The following SNX14 variants were observed in gnomAD, a reference collection of about 807,000 sequenced individuals.
The protein encoded by SNX14 is sorting nexin 14.
SNX14 carries 93 observed loss-of-function variants against 133.8 expected under a neutral mutation model. The ratio of observed to expected loss-of-function variants is 0.70; its 90% CI spans 0.59 to 0.83. The LOEUF (loss-of-function observed/expected upper bound fraction) is 0.83, where lower values mean the gene tolerates loss of function less well. SNX14 is among the 40% of genes least tolerant of loss of function. SNX14 has a pLI of 0.00. For missense variants in SNX14, 945 were observed against 1,094.9 expected, an observed-to-expected ratio of 0.86 and a Z score of 1.93; for synonymous variants, 368 against 365.6, an observed-to-expected ratio of 1.01 and a Z score of -0.07.
chr6:85,520,509 C>G (rs532979711), intron 21 of SNX14, among the ~76,000 whole-genome samples: 8 of 151,994 alleles, frequency 5.3e-5, no homozygotes, highest in African/African-American at 1.9e-4. Flanking sequence ...AGGCGCCCAC[C>G]ACCATGCCCA....
intron 2 of SNX14, 127 bp downstream of exon 2, chr6:85,574,131 A>G: frequency 1.4e-6 from 1 of 698,544 alleles, no homozygotes; most frequent in African/African-American, 1.9e-5. Flanking sequence ...AAAAAAAAAA[A>G]GAGAAGAAAT....
rs576317459 is a variant in SNX14 at position 85,523,636 on chromosome 6, G to A, written c.2107+2490C>T. The stretch of plus-strand genomic sequence containing the variant: ...AAAATACAAAAATTATCTGGGTGTG[G>A]TGGTGCACACCTGTAGTTCTCAGGA... On this transcript the variant is annotated intron_variant, in intron 21 of 28. Transcript: ENST00000314673. Among the ~76,000 whole-genome samples, 3 of 152,236 alleles carry A rather than the reference G, an allele frequency of 2.0e-5. No homozygotes were observed. The South Asian group carries it at 6.2e-4, about 32-fold the overall frequency.
chr6:85,585,267 AG>A (rs1316804356), intron 1 of SNX14, among the ~76,000 whole-genome samples: 1 of 152,190 alleles, frequency 6.6e-6, no homozygotes. Context: ...GGATAGCATT[AG>A]GAGAAATACC....
chr6:85,571,393 G>GA lies in SNX14; in HGVS notation c.417+743dup, dbSNP rs1235873254. 2.0e-5 allele frequency among the ~76,000 whole-genome samples: 3 copies of GA among 148,324 alleles called. No homozygotes were observed. The East Asian group carries it at 5.9e-4, about 29-fold the overall frequency. On this transcript the variant is annotated intron_variant, in intron 4 of 28. Coordinates refer to ENST00000314673, the MANE Select transcript of SNX14 (RefSeq NM_153816.6). ...AAAAAAAAGGCCTTAGAGAGGCAAA[G>GA]AAAAAAATGCCAAATTTTAATGGGC...
intron 1 of SNX14, among the ~76,000 whole-genome samples, chr6:85,583,996 C>G (rs192935984): frequency 8.5e-5 from 13 of 152,312 alleles, no homozygotes; most frequent in Non-Finnish European, 4.4e-5. Context: ...TGGCTTCAAA[C>G]TATACTACAA....
Position 85,550,836 on chromosome 6 carries a change from C to T in SNX14, c.635-957G>A, listed in dbSNP as rs370359638. Among the ~76,000 whole-genome samples the T allele has an allele frequency of 7.5e-4, 114 of 151,546 alleles. 2 individuals are homozygous for T. The South Asian group carries it at 0.022, about 30-fold the overall frequency. ...TTCTCTCTTATCCCCCAGGCTGGAA[C>T]GCAATGGCATGATCTCAGTTCACTG... On this transcript the variant is annotated intron_variant, in intron 7 of 28. Coordinates refer to ENST00000314673, the MANE Select transcript of SNX14 (RefSeq NM_153816.6).
At chr6:85,558,793 T>C (rs1270451569) in intron 6 of SNX14, among the ~76,000 whole-genome samples, 1 of 152,054 alleles carries the variant, frequency 6.6e-6, no homozygotes, top group African/African-American at 2.4e-5. Context: ...GGTTTCAAGA[T>C]ATATGGAAAC....
At chr6:85,513,981 C>CTT (rs1247535467) in intron 25 of SNX14, 86 bp from the exon 26 acceptor site, 9 of 1,553,730 alleles carry the variant, frequency 5.8e-6, no homozygotes, top group Non-Finnish European at 7.0e-6. Flanking sequence ...ACTAATAAAC[C>CTT]AAAGCAAAAC....
chr6:85,572,349 G>A lies in SNX14; in HGVS notation c.287C>T (p.Pro96Leu), dbSNP rs761515829. 1 of 1,613,384 alleles carries A rather than the reference G, an allele frequency of 6.2e-7. No individual in the cohort carries two copies. Among genetic ancestry groups the A allele is most frequent in the Non-Finnish European group, 8.5e-7 (1 of 1,179,766 alleles). The part of the protein sequence containing the change: ...PKQLGLQELF[P>L]QGHSCAVCGK... Reference sequence around the variant, plus strand: ...ACAAACAGCACAGCTATGACCTTGAGGAAATAATTCCTGAAGTCCTAACTG... The same window carrying A: ...ACAAACAGCACAGCTATGACCTTGAAGAAATAATTCCTGAAGTCCTAACTG... The change falls in exon 3 of 29, where the codon CCT (proline) becomes CTT (leucine). Residue 96 changes from proline (P) to leucine (L), a missense_variant. Pro to Leu is a moderately conservative substitution (Grantham distance 98). Transcript: ENST00000314673.
At position 85,574,378 on chromosome 6, in the gene SNX14, C is replaced by T. The variant is rs1386573112; in HGVS notation, c.141G>A (p.Arg47=). The T allele has an allele frequency of 1.3e-6, 2 of 1,523,056 alleles. No homozygotes were observed. The highest frequency in any genetic ancestry group is 2.6e-5 in the South Asian group (2 of 77,578). The allele number at this position is 1,523,056 out of a possible 1,614,324, so 94.3% of individuals were successfully genotyped here. The change falls in exon 2 of 29, where the codon AGG becomes AGA. Residue 47 remains arginine, a splice_region_variant and synonymous_variant. Coordinates refer to ENST00000314673, the MANE Select transcript of SNX14 (RefSeq NM_153816.6). Reference sequence around the variant, plus strand: ...AGAAGATCATTAAAATATGAATATACCTTAAAAATAAATGAAAATAATTAT... The same window carrying T: ...AGAAGATCATTAAAATATGAATATATCTTAAAAATAAATGAAAATAATTAT... ...CLSAASLLLN[R]YIHILMIFWS...
chr6:85,530,349 A>ACATTTCAGCATT, intron 18 of SNX14, 74 bp from the exon 19 acceptor site: 1 of 1,004,280 alleles, frequency 1.0e-6, no homozygotes. Flanking sequence ...TTAAAACATT[A>ACATTTCAGCATT]AGAATACAAA....
intron 5 of SNX14, 27 bp from the exon 6 acceptor site, chr6:85,565,446 C>T (rs1793496246): frequency 6.6e-7 from 1 of 1,520,018 alleles, no homozygotes; most frequent in Non-Finnish European, 9.0e-7. Context: ...AACAAATATT[C>T]AGAAGTTCAG....
At chr6:85,593,277 C>T (rs1301557328) in intron 1 of SNX14, among the ~76,000 whole-genome samples, 7 of 152,200 alleles carry the variant, frequency 4.6e-5, no homozygotes, top group Non-Finnish European at 1.0e-4. Flanking sequence ...TTTGAGCCGA[C>T]ACACGGATTT....
chr6:85,575,724 A>G (rs1386444683), intron 1 of SNX14, among the ~76,000 whole-genome samples: 5 of 152,228 alleles, frequency 3.3e-5, no homozygotes, highest in Admixed American at 3.3e-4. Flanking sequence ...GAACTTTTTG[A>G]CAACAATGAG....
At chr6:85,565,159 T>C (rs1047156783) in intron 6 of SNX14, among the ~76,000 whole-genome samples, 173 bp downstream of exon 6, 4 of 152,140 alleles carry the variant, frequency 2.6e-5, no homozygotes, top group East Asian at 1.9e-4. Flanking sequence ...GCTTGAGGGA[T>C]AGATACCCCA....
intron 27 of SNX14, 62 bp from the exon 28 acceptor site, chr6:85,507,351 T>C: frequency 2.2e-6 from 3 of 1,347,966 alleles, no homozygotes; most frequent in South Asian, 1.3e-5. Context: ...ACCATAAAAA[T>C]GATACACACA....
intron 6 of SNX14, among the ~76,000 whole-genome samples, chr6:85,561,033 TAA>T (rs75735977): frequency 3.4e-4 from 33 of 97,736 alleles, no homozygotes; most frequent in Non-Finnish European, 3.6e-4. Flanking sequence ...GACTCCATCT[TAA>T]AAAAAAAAAA....
intron 18 of SNX14, 59 bp from the exon 19 acceptor site, chr6:85,530,334 C>T: frequency 2.6e-6 from 3 of 1,132,614 alleles, no homozygotes; most frequent in Non-Finnish European, 3.8e-6. Flanking sequence ...AAAAGAATGC[C>T]ATATTTAAAA....
At chr6:85,562,911 T>C (rs1031878822) in intron 6 of SNX14, among the ~76,000 whole-genome samples, 7 of 152,144 alleles carry the variant, frequency 4.6e-5, no homozygotes, top group Non-Finnish European at 1.0e-4. Context: ...TAAGTCTTAA[T>C]AAAGATTACC....
Sources: allele counts gnomAD v4.1 joint callset (sites outside exome capture counted in the v4.1 genomes callset), GRCh38; gene constraint gnomAD v4.1.1; transcripts MANE v1.5; gene names NCBI Gene and HGNC (gene_info 2026-07-23, HGNC 2026-07-21).